CNTNAP4: variants seen among roughly 807,000 people sequenced by gnomAD.
The protein encoded by CNTNAP4 is contactin-associated protein-like 4.
CNTNAP4 carries 98 observed loss-of-function variants against 148.4 expected under a neutral mutation model. That is an observed-to-expected ratio of 0.66 (90% CI 0.56 to 0.78). The LOEUF is 0.78. Ranked by LOEUF, CNTNAP4 falls within the 30% of genes least tolerant of loss-of-function variation. The pLI is 0.00. For synonymous variants in CNTNAP4, 730 were observed against 565.1 expected, an observed-to-expected ratio of 1.29 and a Z score of -4.14; for missense variants, 1,935 against 1,565.6, an observed-to-expected ratio of 1.24 and a Z score of -3.98.
intron 3 of CNTNAP4, among the ~76,000 whole-genome samples, chr16:76,389,399 C>A (rs540755652): frequency 6.6e-6 from 1 of 152,240 alleles, no homozygotes; most frequent in African/African-American, 2.4e-5. Flanking sequence ...GCTTGTGGCT[C>A]TTCTTCCACT....
intron 21 of CNTNAP4, among the ~76,000 whole-genome samples, chr16:76,549,970 C>T (rs529650014): frequency 6.4e-4 from 97 of 152,218 alleles, no homozygotes; most frequent in African/African-American, 2.3e-3. Context: ...TTATCATGTT[C>T]TATGCAGAAT....
chr16:76,285,646 C>A (rs1361504165), intron 1 of CNTNAP4, among the ~76,000 whole-genome samples: 1 of 151,974 alleles, frequency 6.6e-6, no homozygotes, highest in Non-Finnish European at 1.5e-5. Flanking sequence ...TTTAAAAGCA[C>A]CATGTAAATA....
rs373661900 is a variant in CNTNAP4 at position 76,388,069 on chromosome 16, G to A, written c.390+32558G>A. Among the ~76,000 whole-genome samples the A allele has an allele frequency of 2.2e-4, 34 of 152,338 alleles. 1 individual carries two copies. The East Asian group carries it at 3.3e-3, about 15-fold the overall frequency. ...TCAAGGGTTTTGTATTTTACCATCAGTCACTGACTTGAGAGAATACATGAA... is the reference window on the plus strand; with the variant it reads ...TCAAGGGTTTTGTATTTTACCATCAATCACTGACTTGAGAGAATACATGAA... On this transcript the variant is annotated intron_variant, in intron 3 of 23. Transcript: ENST00000611870.
intron 13 of CNTNAP4, among the ~76,000 whole-genome samples, chr16:76,491,229 T>C (rs1490617927): frequency 8.5e-5 from 13 of 152,134 alleles, no homozygotes; most frequent in Admixed American, 7.9e-4. Context: ...ACACCAAACT[T>C]ACCTCCTCCT....
chr16:76,493,519 T>A (rs958121057), intron 13 of CNTNAP4, among the ~76,000 whole-genome samples: 1 of 152,106 alleles, frequency 6.6e-6, no homozygotes, highest in Admixed American at 6.6e-5. Flanking sequence ...TGAACCACAG[T>A]CTATACCTTA....
intron 15 of CNTNAP4, among the ~76,000 whole-genome samples, chr16:76,501,432 C>T (rs1160451416): frequency 1.3e-5 from 2 of 152,226 alleles, no homozygotes; most frequent in East Asian, 1.9e-4. Flanking sequence ...TCCCTACCAA[C>T]TCTCTCCCTT....
rs374869127 is a variant in CNTNAP4, at chr16:76,350,671, A to G, written c.197-4647A>G. Among the ~76,000 whole-genome samples, 34 of 152,332 alleles carry G rather than the reference A, an allele frequency of 2.2e-4. No homozygotes were observed. The East Asian group carries it at 6.2e-3, about 28-fold the overall frequency. On this transcript the variant is annotated intron_variant, in intron 2 of 23. Coordinates refer to ENST00000611870, the MANE Select transcript of CNTNAP4 (RefSeq NM_033401.5). ...ATAGCAATAATAATTTTTGTAATTC[A>G]AAAAGCACTAACTGCCATATACTCT...
At chr16:76,403,581 C>G (rs1018805877) in intron 3 of CNTNAP4, among the ~76,000 whole-genome samples, 3 of 152,224 alleles carry the variant, frequency 2.0e-5, no homozygotes, top group Middle Eastern at 3.4e-3. Flanking sequence ...AAAGGGAACA[C>G]TTATACACTG....
intron 21 of CNTNAP4, among the ~76,000 whole-genome samples, chr16:76,541,409 G>T (rs2084449649): frequency 6.6e-6 from 1 of 152,026 alleles, no homozygotes; most frequent in Admixed American, 6.6e-5. Context: ...TTTTACACTT[G>T]CCAACAAGGA....
chr16:76,447,886 A>C (rs923962107), intron 4 of CNTNAP4, 126 bp from the exon 5 acceptor site: 94 of 642,792 alleles, frequency 1.5e-4, no homozygotes, highest in Admixed American at 3.2e-4. Context: ...TCATTAGTTG[A>C]GGAGCATCTG....
chr16:76,282,055 A>G (rs534000654), intron 1 of CNTNAP4, among the ~76,000 whole-genome samples: 57 of 152,038 alleles, frequency 3.7e-4, no homozygotes, highest in South Asian at 2.9e-3. Flanking sequence ...ATAATATACA[A>G]TAAAATGATA....
intron 3 of CNTNAP4, among the ~76,000 whole-genome samples, chr16:76,401,132 A>G (rs2078401892): frequency 6.6e-6 from 1 of 152,150 alleles, no homozygotes; most frequent in Non-Finnish European, 1.5e-5. Context: ...TTTGGGCAGT[A>G]CGGCCATTTT....
rs76737497 is a variant in CNTNAP4 at position 76,377,919 on chromosome 16, A to G, written c.390+22408A>G. On this transcript the variant is annotated intron_variant, in intron 3 of 23. Transcript: ENST00000611870. Reference sequence around the variant, plus strand: ...ATGAATTCACCATGCTAGTGGCATTATGCAAAGCTTTGTCTGTGCATTGTC... The same window carrying G: ...ATGAATTCACCATGCTAGTGGCATTGTGCAAAGCTTTGTCTGTGCATTGTC... 8.6e-4 allele frequency among the ~76,000 whole-genome samples: 131 copies of G among 152,288 alleles called. 1 individual carries two copies. The East Asian group carries it at 0.022, about 25-fold the overall frequency.
At chr16:76,482,380 G>T (rs1222574494) in intron 12 of CNTNAP4, among the ~76,000 whole-genome samples, 1 of 151,182 alleles carries the variant, frequency 6.6e-6, no homozygotes, top group Non-Finnish European at 1.5e-5. Context: ...CATTATTTAA[G>T]ATGTGATCAG....
At chr16:76,445,376 G>T (rs1444303743) in intron 4 of CNTNAP4, among the ~76,000 whole-genome samples, 1 of 152,044 alleles carries the variant, frequency 6.6e-6, no homozygotes, top group Admixed American at 6.6e-5. Context: ...TGAGGACAGG[G>T]GCCATATTTA....
At chr16:76,513,825 C>G (rs146707769) in intron 15 of CNTNAP4, among the ~76,000 whole-genome samples, 1 of 152,216 alleles carries the variant, frequency 6.6e-6, no homozygotes, top group African/African-American at 2.4e-5. Flanking sequence ...TTGACTTTAA[C>G]CGTGTAAATA....
intron 17 of CNTNAP4, among the ~76,000 whole-genome samples, chr16:76,526,517 A>C (rs755059801): frequency 6.6e-6 from 1 of 152,142 alleles, no homozygotes; most frequent in Non-Finnish European, 1.5e-5. Flanking sequence ...ATGGTGCTGC[A>C]GGCTAAAGTA....
intron 2 of CNTNAP4, among the ~76,000 whole-genome samples, chr16:76,345,469 C>G (rs865897087): frequency 2.6e-5 from 4 of 152,122 alleles, no homozygotes; most frequent in Non-Finnish European, 5.9e-5. Flanking sequence ...TGACAGAGGT[C>G]AAGAGTATTG....
chr16:76,343,249 G>A (rs867228429), intron 2 of CNTNAP4, among the ~76,000 whole-genome samples: 23 of 152,262 alleles, frequency 1.5e-4, no homozygotes, highest in Middle Eastern at 3.4e-3. Context: ...ACAATCCGAT[G>A]AAAGGCCTCA....
Sources: allele counts gnomAD v4.1 joint callset (sites outside exome capture counted in the v4.1 genomes callset), GRCh38; gene constraint gnomAD v4.1.1; transcripts MANE v1.5; gene names NCBI Gene and HGNC (gene_info 2026-07-23, HGNC 2026-07-21).